Variants in NCKAP5 observed in about 807,000 individuals in gnomAD.
NCKAP5 encodes the protein NCK associated protein 5.
In NCKAP5, 92 loss-of-function variants were observed where a neutral mutation model predicts 167.0. That is an observed-to-expected ratio of 0.55 (90% confidence interval 0.47 to 0.66). The LOEUF (loss-of-function observed/expected upper bound fraction) is 0.66, where lower values mean the gene tolerates loss of function less well. Among genes scored for constraint, NCKAP5 ranks in the 30% least tolerant of loss-of-function variants. The pLI is 0.00. For synonymous variants in NCKAP5, 891 were observed against 877.4 expected (o/e 1.02, Z -0.27); for missense variants, 2,378 against 2,315.0 (o/e 1.03, Z -0.56).
At chr2:133,626,157 C>G in the NCKAP5 span, among the ~76,000 whole-genome samples, 14 of 152,240 alleles carry the variant, frequency 9.2e-5, no homozygotes, top group Non-Finnish European at 1.6e-4. Context: ...AATACTGCCC[C>G]TTAGTTCCAT....
chr2:132,793,931 T>C (rs1161920695), intron 12 of NCKAP5, among the ~76,000 whole-genome samples: 2 of 152,008 alleles, frequency 1.3e-5, no homozygotes, highest in East Asian at 1.9e-4. Flanking sequence ...GTTTCCTTCG[T>C]CAGCATGTGA....
intron 5 of NCKAP5, among the ~76,000 whole-genome samples, chr2:133,136,880 A>G (rs1335469053): frequency 6.6e-6 from 1 of 152,212 alleles, no homozygotes; most frequent in African/African-American, 2.4e-5. Flanking sequence ...GCACTCAAAC[A>G]TCTTAAGAAT....
chr2:133,104,062 T>C (rs1472712204), intron 6 of NCKAP5, among the ~76,000 whole-genome samples: 1 of 151,926 alleles, frequency 6.6e-6, no homozygotes, highest in East Asian at 1.9e-4. Context: ...GGCCCAGAGC[T>C]GCCCCTCCCA....
intron 5 of NCKAP5, among the ~76,000 whole-genome samples, chr2:133,141,636 C>T (rs1182424699): frequency 6.6e-6 from 1 of 152,156 alleles, no homozygotes; most frequent in African/African-American, 2.4e-5. Context: ...GGGAGGACCT[C>T]AGTAATGATT....
At chr2:133,463,099 C>T (rs1252323463) in intron 3 of NCKAP5, among the ~76,000 whole-genome samples, 1 of 152,070 alleles carries the variant, frequency 6.6e-6, no homozygotes, top group African/African-American at 2.4e-5. Context: ...GACTTGGTAC[C>T]ATAATATTAT....
intron 5 of NCKAP5, among the ~76,000 whole-genome samples, chr2:133,145,558 T>C (rs1227814781): frequency 1.3e-5 from 2 of 152,114 alleles, no homozygotes; most frequent in Non-Finnish European, 1.5e-5. Context: ...TTAAGTCTTC[T>C]ACCTCCCAAT....
chr2:133,297,953 T>C (rs1427838055), intron 4 of NCKAP5, among the ~76,000 whole-genome samples: 2 of 152,228 alleles, frequency 1.3e-5, no homozygotes, highest in Non-Finnish European at 2.9e-5. Flanking sequence ...AATCTGGTTG[T>C]GCTTGTGAAC....
At chr2:133,460,322 G>C (rs571209274) in intron 3 of NCKAP5, among the ~76,000 whole-genome samples, 1 of 152,260 alleles carries the variant, frequency 6.6e-6, no homozygotes, top group East Asian at 1.9e-4. Flanking sequence ...GGTCTGCTTA[G>C]AGCTACCTGA....
intron 3 of NCKAP5, among the ~76,000 whole-genome samples, chr2:133,330,636 C>G (rs943397060): frequency 6.6e-6 from 1 of 152,050 alleles, no homozygotes; most frequent in Non-Finnish European, 1.5e-5. Flanking sequence ...ATGCCTATCA[C>G]CCAAGGCTTT....
intron 8 of NCKAP5, among the ~76,000 whole-genome samples, chr2:132,940,376 C>G (rs755651640): frequency 3.0e-4 from 45 of 152,124 alleles, no homozygotes; most frequent in Non-Finnish European, 6.0e-4. Flanking sequence ...GAACACTGGG[C>G]CCTAGCTGTG....
intron 19 of NCKAP5, among the ~76,000 whole-genome samples, chr2:132,705,682 T>A (rs914996697): frequency 6.6e-6 from 1 of 151,780 alleles, no homozygotes; most frequent in African/African-American, 2.4e-5. Flanking sequence ...GAAAAAAAAA[T>A]AATGAAAAAC....
intron 3 of NCKAP5, among the ~76,000 whole-genome samples, chr2:133,383,204 A>T (rs1686656401): frequency 6.6e-6 from 1 of 152,016 alleles, no homozygotes; most frequent in Non-Finnish European, 1.5e-5. Context: ...TCCTAATGCT[A>T]TCCCTCCCCA....
chr2:132,787,459 T>C (rs1331298190), intron 13 of NCKAP5, among the ~76,000 whole-genome samples: 2 of 152,134 alleles, frequency 1.3e-5, no homozygotes, highest in African/African-American at 4.8e-5. Context: ...GTCTCCTCCC[T>C]GCCCCACACG....
rs74819077 is a variant in NCKAP5, at chr2:132,788,339, A to T, written c.1092+1684T>A. ...CTGGACAAGAATCTTATATATATAT[A>T]TTTTTCTAAAGGGTCTTAATGGGAG... On this transcript the variant is annotated intron_variant, in intron 13 of 19. Transcript: ENST00000409261. Among the ~76,000 whole-genome samples, 1,834 of 152,092 alleles carry T rather than the reference A, an allele frequency of 0.012. 131 individuals carry two copies. The East Asian group carries it at 0.19, about 16-fold the overall frequency.
At chr2:133,427,665 T>G (rs1253526262) in intron 3 of NCKAP5, among the ~76,000 whole-genome samples, 3 of 152,088 alleles carry the variant, frequency 2.0e-5, no homozygotes, top group Non-Finnish European at 4.4e-5. Context: ...TATTCAGCCT[T>G]GTAAGAAAAT....
intron 4 of NCKAP5, chr2:133,266,262 C>T (rs970325112): frequency 3.3e-5 from 5 of 152,416 alleles, no homozygotes; most frequent in Admixed American, 3.3e-4. Flanking sequence ...CCTCGCCCCA[C>T]CTCCCAAAAC....
intron 8 of NCKAP5, chr2:132,930,276 T>C (rs973556145): frequency 6.6e-6 from 1 of 152,130 alleles, no homozygotes; most frequent in Non-Finnish European, 1.5e-5. Context: ...ATAGTGATGA[T>C]GTGATAATTA....
chr2:132,772,105 C>T (rs958998535), intron 16 of NCKAP5, among the ~76,000 whole-genome samples: 1 of 152,048 alleles, frequency 6.6e-6, no homozygotes, highest in African/African-American at 2.4e-5. Context: ...ACATGCTGTA[C>T]AGGCTCGTAG....
intron 2 of NCKAP5, among the ~76,000 whole-genome samples, chr2:133,521,938 C>G (rs1221601723): frequency 6.6e-6 from 1 of 152,148 alleles, no homozygotes; most frequent in Non-Finnish European, 1.5e-5. Flanking sequence ...TGGTGGCTAC[C>G]TCCAGACTCC....
Sources: gnomAD v4.1 joint callset for allele counts (sites outside exome capture counted in the v4.1 genomes callset) on GRCh38, gnomAD v4.1.1 for gene constraint, MANE v1.5 for transcripts, NCBI Gene and HGNC (gene_info 2026-07-23, HGNC 2026-07-21) for gene names.